PKHD1: variants seen among roughly 807,000 people sequenced by gnomAD.
PKHD1 encodes PKHD1 ciliary IPT domain containing fibrocystin/polyductin.
A neutral mutation model predicts 412.0 loss-of-function variants in PKHD1; 291 were observed. That is an observed-to-expected ratio of 0.71 (90% CI 0.64 to 0.78). The LOEUF (loss-of-function observed/expected upper bound fraction) is 0.78, where lower values mean the gene tolerates loss of function less well. Among genes scored for constraint, PKHD1 ranks in the 30% least tolerant of loss-of-function variants. PKHD1 has a pLI of 0.00. For synonymous variants in PKHD1, 1,777 were observed against 1,821.5 expected, an observed-to-expected ratio of 0.98 and a Z score of 0.62; for missense variants, 4,825 against 4,950.7, an observed-to-expected ratio of 0.97 and a Z score of 0.76.
chr6:51,626,346 G>T (rs1581729105), intron 66 of PKHD1, among the ~76,000 whole-genome samples: 2 of 152,130 alleles, frequency 1.3e-5, no homozygotes. Flanking sequence ...CCCATACTTG[G>T]CAAAGCCATC....
At chr6:51,936,343 T>G (rs967388370) in intron 36 of PKHD1, among the ~76,000 whole-genome samples, 2 of 152,208 alleles carry the variant, frequency 1.3e-5, no homozygotes, top group African/African-American at 4.8e-5. Flanking sequence ...GATATAGAGA[T>G]AGCAAAGTAT....
chr6:51,646,059 T>C (rs1462628290), intron 63 of PKHD1, among the ~76,000 whole-genome samples: 1 of 152,230 alleles, frequency 6.6e-6, no homozygotes, highest in Admixed American at 6.5e-5. Context: ...ATTTAACAGA[T>C]TCACTTTTTC....
chr6:51,986,241 T>C (rs1429270800), intron 35 of PKHD1, among the ~76,000 whole-genome samples: 1 of 152,238 alleles, frequency 6.6e-6, no homozygotes, highest in Non-Finnish European at 1.5e-5. Flanking sequence ...ATCTCAGTCA[T>C]GAATATGACT....
chr6:51,771,218 A>G (rs1275937485), intron 55 of PKHD1, among the ~76,000 whole-genome samples: 2 of 151,740 alleles, frequency 1.3e-5, no homozygotes, highest in South Asian at 4.2e-4. Context: ...ACACACACAC[A>G]CACACATGCA....
At chr6:51,764,150 T>C (rs1788541429) in intron 55 of PKHD1, among the ~76,000 whole-genome samples, 1 of 141,604 alleles carries the variant, frequency 7.1e-6, no homozygotes, top group South Asian at 2.3e-4. Flanking sequence ...CCTTCCTGTG[T>C]CCACGTGTAC....
At chr6:51,735,757 C>A (rs1180833097) in intron 60 of PKHD1, among the ~76,000 whole-genome samples, 1 of 151,850 alleles carries the variant, frequency 6.6e-6, no homozygotes, top group Non-Finnish European at 1.5e-5. Context: ...GAGACCTCAT[C>A]TCTACGAAAA....
intron 65 of PKHD1, among the ~76,000 whole-genome samples, chr6:51,627,581 T>C (rs779562537): frequency 2.6e-5 from 4 of 152,040 alleles, no homozygotes; most frequent in Non-Finnish European, 4.4e-5. Context: ...TGACAGAATA[T>C]TACTAATACT....
intron 60 of PKHD1, among the ~76,000 whole-genome samples, chr6:51,719,418 G>A (rs903470250): frequency 3.9e-5 from 6 of 152,050 alleles, no homozygotes; most frequent in African/African-American, 7.2e-5. Context: ...GATGATTATC[G>A]GTTGAAAGGT....
At chr6:51,806,298 T>TA (rs1261302490) in intron 52 of PKHD1, among the ~76,000 whole-genome samples, 1 of 151,910 alleles carries the variant, frequency 6.6e-6, no homozygotes, top group Non-Finnish European at 1.5e-5. Flanking sequence ...GAGAGGAAAT[T>TA]AAAAAACACA....
intron 60 of PKHD1, among the ~76,000 whole-genome samples, chr6:51,713,257 G>A (rs1242011539): frequency 6.6e-6 from 1 of 152,174 alleles, no homozygotes; most frequent in Non-Finnish European, 1.5e-5. Context: ...CTAAGCAGAT[G>A]ACATAACTTT....
chr6:51,647,256 A>G (rs1168774350), intron 63 of PKHD1, among the ~76,000 whole-genome samples: 4 of 152,152 alleles, frequency 2.6e-5, no homozygotes, highest in Non-Finnish European at 2.9e-5. Flanking sequence ...TTTGTGTGTG[A>G]GAGGGTTAAA....
At chr6:51,969,851 A>C (rs749248337) in intron 35 of PKHD1, among the ~76,000 whole-genome samples, 7 of 152,206 alleles carry the variant, frequency 4.6e-5, no homozygotes, top group Non-Finnish European at 8.8e-5. Context: ...TTGGAAACTT[A>C]GGTTGATTCC....
At chr6:51,642,987 G>A (rs1329857553) in intron 63 of PKHD1, among the ~76,000 whole-genome samples, 2 of 152,194 alleles carry the variant, frequency 1.3e-5, no homozygotes, top group Non-Finnish European at 2.9e-5. Flanking sequence ...AACACATGGA[G>A]TAGACAATGG....
intron 45 of PKHD1, among the ~76,000 whole-genome samples, chr6:51,885,377 C>G (rs1241696933): frequency 6.6e-6 from 1 of 152,070 alleles, no homozygotes; most frequent in Non-Finnish European, 1.5e-5. Flanking sequence ...CAATGACGAA[C>G]AGTGCTTTTT....
In PKHD1 at chr6:51,617,717, C is replaced by T. The variant is rs1363676552; in HGVS notation, c.*1364G>A. 6.6e-6 allele frequency: 1 copy of T among 152,226 alleles called. No homozygotes were observed. The highest frequency in any genetic ancestry group is 1.9e-4 in the East Asian group (1 of 5,200). 9.4% of individuals were successfully genotyped at this position (152,226 alleles called of 1,614,324 possible). ...TGCCAATTCTTAGTAGGGTGAGACACACCTGCCCCTTGATGCCCTGCAGAC... is the reference window on the plus strand; with the variant it reads ...TGCCAATTCTTAGTAGGGTGAGACATACCTGCCCCTTGATGCCCTGCAGAC... On this transcript the variant is annotated 3_prime_UTR_variant, in exon 67 of 67. Coordinates refer to ENST00000371117, the MANE Select transcript of PKHD1 (RefSeq NM_138694.4).
At chr6:51,944,696 C>A (rs901426230) in intron 36 of PKHD1, among the ~76,000 whole-genome samples, 7 of 152,180 alleles carry the variant, frequency 4.6e-5, no homozygotes, top group Non-Finnish European at 8.8e-5. Flanking sequence ...TGGGTAATAA[C>A]CCCATCCCCC....
intron 36 of PKHD1, among the ~76,000 whole-genome samples, chr6:51,952,271 T>C (rs1790467998): frequency 6.6e-6 from 1 of 152,158 alleles, no homozygotes; most frequent in East Asian, 1.9e-4. Context: ...GATACACAAA[T>C]AGTAAATAAA....
chr6:51,992,237 T>TTAG (rs1030091127), intron 35 of PKHD1, among the ~76,000 whole-genome samples: 6 of 152,192 alleles, frequency 3.9e-5, no homozygotes, highest in African/African-American at 7.2e-5. Context: ...CCCATTATTA[T>TTAG]TAGTAGTAGT....
intron 52 of PKHD1, among the ~76,000 whole-genome samples, chr6:51,819,479 T>A (rs1390720003): frequency 1.3e-5 from 2 of 152,222 alleles, no homozygotes; most frequent in Non-Finnish European, 2.9e-5. Context: ...TAATTGAATT[T>A]ACTTCTATGC....
Sources: gnomAD v4.1 joint callset for allele counts (sites outside exome capture counted in the v4.1 genomes callset) on GRCh38, gnomAD v4.1.1 for gene constraint, MANE v1.5 for transcripts, NCBI Gene and HGNC (gene_info 2026-07-23, HGNC 2026-07-21) for gene names.